The following ERICH3 variants were observed in gnomAD, a reference collection of about 807,000 sequenced individuals.
ERICH3 encodes glutamate-rich protein 3.
Under a neutral mutation model 131.1 loss-of-function variants are expected in ERICH3, and 126 were observed. The ratio of observed to expected loss-of-function variants is 0.96; its 90% CI spans 0.83 to 1.11. The LOEUF (loss-of-function observed/expected upper bound fraction) is 1.11. ERICH3 is among the 50% of genes most tolerant of loss of function. The probability of loss-of-function intolerance (pLI) is 0.00; values close to 1 mark genes in which losing one functional copy is unlikely to be tolerated. For missense variants in ERICH3, 2,050 were observed against 1,810.7 expected, an observed-to-expected ratio of 1.13 and a Z score of -2.40; for synonymous variants, 695 against 644.6, an observed-to-expected ratio of 1.08 and a Z score of -1.18.
At chr1:74,639,948 A>T (rs1196264853) in intron 5 of ERICH3, among the ~76,000 whole-genome samples, 2 of 152,180 alleles carry the variant, frequency 1.3e-5, no homozygotes, top group South Asian at 4.1e-4. Flanking sequence ...AATGGGACCT[A>T]TTTAATTCCA....
At chr1:74,641,306 T>C (rs1646435143) in intron 5 of ERICH3, 25 bp downstream of exon 5, 2 of 1,607,768 alleles carry the variant, frequency 1.2e-6, no homozygotes, top group Non-Finnish European at 1.7e-6. Flanking sequence ...GGATACTGCA[T>C]GACGAAGTGT....
chr1:74,667,904 C>A (rs76183126), intron 1 of ERICH3, among the ~76,000 whole-genome samples: 6,138 of 152,162 alleles, frequency 0.04, 419 homozygotes, highest in African/African-American at 0.14. Flanking sequence ...ATTATGGAAG[C>A]ACTTTCCCCC....
intron 1 of ERICH3, among the ~76,000 whole-genome samples, chr1:74,665,831 T>A (rs1422208122): frequency 6.6e-6 from 1 of 152,082 alleles, no homozygotes. Flanking sequence ...GGGTTAGGAC[T>A]TCAACATATA....
At chr1:74,634,815 C>T in intron 6 of ERICH3, 1 of 603,428 alleles carries the variant, frequency 1.7e-6, no homozygotes, top group Non-Finnish European at 3.0e-6. Context: ...TTTCTGGTAC[C>T]TTTGGCTAGC....
intron 1 of ERICH3, among the ~76,000 whole-genome samples, chr1:74,662,015 G>A (rs778973118): frequency 4.6e-5 from 7 of 152,106 alleles, no homozygotes; most frequent in Non-Finnish European, 1.0e-4. Context: ...TTATTCATTC[G>A]TTCTTTGAAG....
Position 74,589,826 on chromosome 1 carries a change from T to C in ERICH3, c.1981A>G (p.Ile661Val), listed in dbSNP as rs749926792. Residue 661 changes from isoleucine (I) to valine (V), a missense_variant, in exon 12 of 15, where the codon ATA becomes GTA. Coordinates refer to ENST00000326665, the MANE Select transcript of ERICH3 (RefSeq NM_001002912.5). ...KADVETKPMP[I>V]DESFENVLKE... ...AGAACATTCTCAAAGCTTTCGTCTATTGGCATCGGCTTGGTCTCCACATCT... is the reference window on the plus strand; with the variant it reads ...AGAACATTCTCAAAGCTTTCGTCTACTGGCATCGGCTTGGTCTCCACATCT... 5.0e-6 allele frequency: 8 copies of C among 1,614,164 alleles called. No homozygotes were observed. The African/African-American group carries it at 1.1e-4, about 22-fold the overall frequency.
Position 74,572,746 on chromosome 1 carries a change from C to T in ERICH3, c.2964G>A (p.Met988Ile), listed in dbSNP as rs749018790. ...AGGGGCTCAAGCGTGTTTCTGTTCT[C>T]ATAACCTCTTTTCTCTCTTTGGCTG... is the stretch of plus-strand genomic sequence containing the variant. ...EEPAKERKEV[M>I]RTETRLSPFT... Residue 988 changes from methionine (M) to isoleucine (I), a missense_variant, in exon 14 of 15, where the codon ATG becomes ATA. Physicochemically the swap from Met to Ile is conservative, Grantham distance 10. Transcript: ENST00000326665. 8 of 1,613,908 alleles carry T rather than the reference C, an allele frequency of 5.0e-6. No homozygotes were observed. The highest frequency in any genetic ancestry group is 4.5e-5 in the East Asian group (2 of 44,840).
Position 74,571,908 on chromosome 1 carries a change from G to A in ERICH3, c.3802C>T (p.Leu1268=), listed in dbSNP as rs1348313724. The stretch of plus-strand genomic sequence containing the variant: ...TCAGCAACAGCTTCCTGGGTCCTTA[G>A]CACGACATCCACTCCTCCTTGCCCT... ...AEGQGGVDVV[L]RTQEAVAEED... Residue 1268 remains leucine (L), a synonymous_variant, in exon 14 of 15, where the codon CTA becomes TTA. Transcript: ENST00000326665. 6 of 1,612,324 alleles carry A rather than the reference G, an allele frequency of 3.7e-6. No individual in the cohort carries two copies. Among genetic ancestry groups the A allele is most frequent in the Admixed American group, 1.7e-5 (1 of 60,006 alleles).
chr1:74,576,840 G>A (rs1019648105), intron 13 of ERICH3, 55 bp downstream of exon 13: 2 of 1,465,590 alleles, frequency 1.4e-6, no homozygotes, highest in Non-Finnish European at 1.9e-6. Context: ...CCAGATTTAT[G>A]AGTCATGGTC....
At chr1:74,575,096 C>G (rs1160770894) in intron 13 of ERICH3, among the ~76,000 whole-genome samples, 1 of 152,152 alleles carries the variant, frequency 6.6e-6, no homozygotes, top group African/African-American at 2.4e-5. Flanking sequence ...TCACCAACAA[C>G]CTACCAGAAG....
At chr1:74,668,078 G>A (rs1362764664) in intron 1 of ERICH3, among the ~76,000 whole-genome samples, 1 of 152,174 alleles carries the variant, frequency 6.6e-6, no homozygotes, top group Non-Finnish European at 1.5e-5. Context: ...CTCCAGCCAT[G>A]CAGAACTATA....
At chr1:74,641,526 A>T (rs761646146) in intron 4 of ERICH3, 67 bp from the exon 5 acceptor site, 14 of 1,487,582 alleles carry the variant, frequency 9.4e-6, no homozygotes, top group Non-Finnish European at 1.2e-5. Context: ...TATGCATGAC[A>T]TGTGCGAAAT....
At position 74,571,180 on chromosome 1, in the gene ERICH3, T is replaced by C; in HGVS notation, c.4530A>G (p.Gln1510=). 1 of 1,614,148 alleles carries C rather than the reference T, an allele frequency of 6.2e-7. No homozygotes were observed. The highest frequency in any genetic ancestry group is 8.5e-7 in the Non-Finnish European group (1 of 1,180,028). ...KPDFTETREK[Q]QHMVQGESET... ...CGCTTTCTCCTTGCACCATATGCTG[T>C]TGCTTCTCTCGGGTTTCAGTGAAAT... The change falls in exon 14 of 15, where the codon CAA becomes CAG. Residue 1510 remains glutamine (Q), a synonymous_variant. Transcript: ENST00000326665.
intron 1 of ERICH3, among the ~76,000 whole-genome samples, chr1:74,667,135 A>AT (rs939492241): frequency 6.6e-5 from 10 of 152,184 alleles, no homozygotes; most frequent in African/African-American, 2.2e-4. Flanking sequence ...TCTGTTCACT[A>AT]TTTTTTTGTG....
chr1:74,599,504 C>T (rs561997622), intron 11 of ERICH3, among the ~76,000 whole-genome samples, 191 bp downstream of exon 11: 15 of 151,780 alleles, frequency 9.9e-5, no homozygotes, highest in African/African-American at 2.9e-4. Flanking sequence ...GATGAAATAA[C>T]GTGTACGACG....
intron 7 of ERICH3, 58 bp downstream of exon 7, chr1:74,631,655 T>G: frequency 7.2e-7 from 1 of 1,389,052 alleles, no homozygotes; most frequent in South Asian, 1.2e-5. Context: ...CCTAGAAATC[T>G]AATAGTGCAA....
At position 74,599,674 on chromosome 1, in the gene ERICH3, A is replaced by G. The variant is rs570280370; in HGVS notation, c.1726+21T>C. ...ACACTCAGTAAACAGCCTATGTTACATGATAAGCTGAACAACTCGCCTTGT... is the reference window on the plus strand; with the variant it reads ...ACACTCAGTAAACAGCCTATGTTACGTGATAAGCTGAACAACTCGCCTTGT... On this transcript the variant is annotated intron_variant, in intron 11 of 14. Transcript: ENST00000326665. The G allele has an allele frequency of 2.6e-6, 4 of 1,563,602 alleles. No homozygotes were observed. In the East Asian group the frequency reaches 9.0e-5, roughly 35 times the overall value.
chr1:74,608,680 G>T (rs913492880), intron 9 of ERICH3, among the ~76,000 whole-genome samples: 2 of 151,994 alleles, frequency 1.3e-5, no homozygotes, highest in African/African-American at 4.8e-5. Context: ...TAACTATCAG[G>T]CTGTAAAAAA....
chr1:74,620,794 A>C lies in ERICH3; in HGVS notation c.940T>G (p.Tyr314Asp). 1 of 1,613,530 alleles carries C rather than the reference A, an allele frequency of 6.2e-7. No homozygotes were observed. Among genetic ancestry groups the C allele is most frequent in the Non-Finnish European group, 8.5e-7 (1 of 1,179,722 alleles). Residue 314 changes from tyrosine to aspartate, a missense_variant, in exon 8 of 15, where the codon TAT (tyrosine) becomes GAT (aspartate). By Grantham distance (160) the Tyr-to-Asp change is radical (BLOSUM62 -3). Coordinates refer to ENST00000326665, the MANE Select transcript of ERICH3 (RefSeq NM_001002912.5). ...TTTTCCCCACCACAGTGCTGCTGAT[A>C]AACTTTAATTTCATCCCGGAAGTCA... ...NPDFRDEIKV[Y>D]QQHCGGENLC... is the part of the protein sequence containing the mutation.
Sources: allele counts gnomAD v4.1 joint callset (sites outside exome capture counted in the v4.1 genomes callset), GRCh38; gene constraint gnomAD v4.1.1; transcripts MANE v1.5; gene names NCBI Gene and HGNC (gene_info 2026-07-23, HGNC 2026-07-21).